The following INTS9 variants were observed in gnomAD, a reference collection of about 807,000 sequenced individuals.
The protein encoded by INTS9 is protein related to CPSF subunits of 74 kDa.
A neutral mutation model predicts 79.7 loss-of-function variants in INTS9; 55 were observed. The observed-to-expected ratio is 0.69, with a 90% CI of 0.56 to 0.86. The LOEUF is 0.86. INTS9 is among the 40% of genes least tolerant of loss of function. The pLI is 0.00. For missense variants in INTS9, 721 were observed against 831.5 expected, an observed-to-expected ratio of 0.87 and a Z score of 1.64; for synonymous variants, 319 against 325.2, an observed-to-expected ratio of 0.98 and a Z score of 0.20.
chr8:28,870,839 G>C (rs1386735909), intron 1 of INTS9, among the ~76,000 whole-genome samples: 2 of 152,158 alleles, frequency 1.3e-5, no homozygotes, highest in Admixed American at 1.3e-4. Context: ...GCAAGGAGGA[G>C]AGCATGCCTA....
chr8:28,811,577 C>T (rs1805149033), intron 8 of INTS9, among the ~76,000 whole-genome samples: 1 of 152,146 alleles, frequency 6.6e-6, no homozygotes, highest in Admixed American at 6.5e-5. Context: ...TGTGCCACCA[C>T]ACCCGGGTAA....
chr8:28,838,209 C>A (rs1262650058), intron 4 of INTS9, among the ~76,000 whole-genome samples: 1 of 151,994 alleles, frequency 6.6e-6, no homozygotes, highest in Non-Finnish European at 1.5e-5. Flanking sequence ...CAGAAACCAG[C>A]TCTTCAAAAG....
chr8:28,860,314 T>C (rs975800977), intron 1 of INTS9, among the ~76,000 whole-genome samples: 15 of 152,184 alleles, frequency 9.9e-5, no homozygotes. Context: ...TGAAAATATC[T>C]ATATGGGACA....
chr8:28,769,742 C>A, intron 16 of INTS9, 147 bp downstream of exon 16: 1 of 1,010,186 alleles, frequency 9.9e-7, no homozygotes, highest in Non-Finnish European at 1.4e-6. Context: ...GGTCTCCCAG[C>A]AGGACCTTAG....
intron 12 of INTS9, among the ~76,000 whole-genome samples, chr8:28,779,100 G>A (rs1803082014): frequency 6.6e-6 from 1 of 152,130 alleles, no homozygotes; most frequent in African/African-American, 2.4e-5. Context: ...TGTAGATGCT[G>A]TCACCACTGT....
chr8:28,876,994 A>G (rs1472686836), intron 1 of INTS9, among the ~76,000 whole-genome samples: 2 of 152,172 alleles, frequency 1.3e-5, no homozygotes, highest in African/African-American at 4.8e-5. Flanking sequence ...ATGATACAGT[A>G]AAAGAAATTA....
At chr8:28,786,869 C>T (rs749324207) in intron 11 of INTS9, among the ~76,000 whole-genome samples, 1 of 152,142 alleles carries the variant, frequency 6.6e-6, no homozygotes, top group African/African-American at 2.4e-5. Flanking sequence ...AGGCACCCGC[C>T]ACCACGCCTG....
rs375373727 is a variant in INTS9 at position 28,768,198 on chromosome 8, A to G, written c.1925T>C (p.Met642Thr). Residue 642 changes from methionine to threonine, a missense_variant, in exon 17 of 17, where the codon ATG becomes ACG. By Grantham distance (81) the Met-to-Thr change is moderately conservative. This residue lies in a region of INTS9 where 281 missense variants were observed against 300.8 expected (regional missense o/e 0.93). Transcript: ENST00000521022. ...STHIICDNDE[M>T]LRVRLRDLVL... ...AAGGTCCCGCAGTCGCACTCTGAGC[A>G]TCTCGTCATTGTCGCAGATGATATG... The G allele has an allele frequency of 3.6e-5, 58 of 1,614,114 alleles. No individual in the cohort carries two copies. The highest frequency in any genetic ancestry group is 4.5e-5 in the Non-Finnish European group (53 of 1,180,050).
At chr8:28,811,969 C>A (rs1016013955) in intron 8 of INTS9, among the ~76,000 whole-genome samples, 1 of 152,226 alleles carries the variant, frequency 6.6e-6, no homozygotes, top group East Asian at 1.9e-4. Flanking sequence ...TTGGTCACCA[C>A]TGAATCCCCA....
chr8:28,886,401 C>T (rs986568711), intron 1 of INTS9, among the ~76,000 whole-genome samples: 3 of 152,096 alleles, frequency 2.0e-5, no homozygotes, highest in South Asian at 2.1e-4. Context: ...GCACATGCCA[C>T]GACGCTCAGC....
intron 12 of INTS9, among the ~76,000 whole-genome samples, chr8:28,779,368 G>A (rs980428841): frequency 1.5e-4 from 23 of 152,272 alleles, no homozygotes; most frequent in African/African-American, 4.3e-4. Flanking sequence ...AGCAAGAGCC[G>A]GCCTGGCACC....
At chr8:28,840,709 G>T (rs1244099600) in intron 4 of INTS9, among the ~76,000 whole-genome samples, 1 of 145,422 alleles carries the variant, frequency 6.9e-6, no homozygotes, top group Non-Finnish European at 1.5e-5. Flanking sequence ...ACCAAACACC[G>T]CATATTCTCA....
intron 12 of INTS9, chr8:28,780,149 C>G (rs1013258655): frequency 7.1e-6 from 1 of 141,386 alleles, no homozygotes; most frequent in African/African-American, 3.0e-5. Context: ...AAGCTTTTGG[C>G]TTCTTTGGGC....
intron 6 of INTS9, among the ~76,000 whole-genome samples, chr8:28,833,758 T>C (rs1231668690): frequency 6.6e-6 from 1 of 152,030 alleles, no homozygotes; most frequent in Non-Finnish European, 1.5e-5. Context: ...CTGTGGGGCC[T>C]GGAGATGAAG....
chr8:28,769,906 C>T lies in INTS9; in HGVS notation c.1783G>A (p.Val595Met), dbSNP rs138837940. 2.7e-5 allele frequency: 43 copies of T among 1,614,036 alleles called. No individual in the cohort carries two copies. In the Middle Eastern group the frequency reaches 4.9e-4, roughly 19 times the overall value. The change falls in exon 16 of 17, where the codon GTG (valine) becomes ATG (methionine). Residue 595 changes from valine to methionine, a missense_variant. Transcript: ENST00000521022. ...CAGCTCACCTTCTCCAGGGTCTGCACGAACTGCTCCACAGGGATGGAACCG... is the reference window on the plus strand; with the variant it reads ...CAGCTCACCTTCTCCAGGGTCTGCATGAACTGCTCCACAGGGATGGAACCG... ...LSGSIPVEQF[V>M]QTLEKHGFSD...
intron 8 of INTS9, among the ~76,000 whole-genome samples, chr8:28,807,414 C>G (rs891396372): frequency 1.3e-5 from 2 of 152,098 alleles, no homozygotes; most frequent in Non-Finnish European, 2.9e-5. Context: ...TTCCAACAAA[C>G]AAAGGTAGTA....
intron 6 of INTS9, among the ~76,000 whole-genome samples, chr8:28,818,803 G>A (rs372054619): frequency 2.6e-5 from 4 of 151,664 alleles, no homozygotes; most frequent in Non-Finnish European, 5.9e-5. Flanking sequence ...TGGTTGGTAA[G>A]CTATTGATTA....
chr8:28,867,374 G>A (rs1376655386), intron 1 of INTS9, among the ~76,000 whole-genome samples: 1 of 151,742 alleles, frequency 6.6e-6, no homozygotes, highest in Non-Finnish European at 1.5e-5. Context: ...AATGCAGATC[G>A]TGCCACTGGA....
chr8:28,818,972 T>C (rs2131087345), intron 6 of INTS9, among the ~76,000 whole-genome samples: 1 of 152,342 alleles, frequency 6.6e-6, no homozygotes, highest in Admixed American at 6.5e-5. Context: ...GATGGTAGTT[T>C]GTATTTCTGT....
Sources: gnomAD v4.1 joint callset for allele counts (sites outside exome capture counted in the v4.1 genomes callset) on GRCh38, gnomAD v4.1.1 for gene constraint, gnomAD v4.1.1 regional missense constraint, MANE v1.5 for transcripts, NCBI Gene and HGNC (gene_info 2026-07-23, HGNC 2026-07-21) for gene names.